GRM8: variants seen among roughly 807,000 people sequenced by gnomAD.
The protein encoded by GRM8 is glutamate metabotropic receptor 8.
A neutral mutation model predicts 87.2 loss-of-function variants in GRM8; 47 were observed. The observed-to-expected ratio is 0.54, with a 90% CI of 0.43 to 0.69. The LOEUF is 0.69. GRM8 is among the 30% of genes least tolerant of loss of function. The probability of loss-of-function intolerance (pLI) is 0.00; values close to 1 mark genes in which losing one functional copy is unlikely to be tolerated. For synonymous variants in GRM8, 396 were observed against 404.5 expected, an observed-to-expected ratio of 0.98 and a Z score of 0.25; for missense variants, 1,019 against 1,139.2, an observed-to-expected ratio of 0.89 and a Z score of 1.52.
intron 3 of GRM8, among the ~76,000 whole-genome samples, chr7:127,070,170 C>T (rs1203613648): frequency 6.6e-6 from 1 of 151,972 alleles, no homozygotes; most frequent in Admixed American, 6.5e-5. Context: ...GTAGAGACAA[C>T]CTGATATTTG....
rs148475629 is a variant in GRM8, at chr7:126,714,222, G to A, written c.1357+55643C>T. Among the ~76,000 whole-genome samples the A allele has an allele frequency of 2.8e-3, 419 of 150,450 alleles. 6 individuals are homozygous for A. Among genetic ancestry groups the A allele is most frequent in the African/African-American group, 9.7e-3 (399 of 41,126 alleles). ...GAAGCCAGGAGGCAGAGGTTGTGGT[G>A]AGCCTAGATCGTGCCACTCTACTCC... On this transcript the variant is annotated intron_variant, in intron 7 of 10. Coordinates refer to ENST00000339582, the MANE Select transcript of GRM8 (RefSeq NM_000845.3).
intron 7 of GRM8, among the ~76,000 whole-genome samples, chr7:126,686,169 T>C (rs933375128): frequency 1.4e-4 from 22 of 151,814 alleles, no homozygotes; most frequent in Non-Finnish European, 2.8e-4. Flanking sequence ...GAACACTCAC[T>C]GGGATGCCCT....
intron 3 of GRM8, among the ~76,000 whole-genome samples, chr7:126,982,195 C>T (rs973791788): frequency 3.9e-5 from 6 of 152,112 alleles, no homozygotes; most frequent in Non-Finnish European, 8.8e-5. Context: ...GCCAGTCTAA[C>T]CTTTTCATGC....
intron 2 of GRM8, among the ~76,000 whole-genome samples, chr7:127,240,108 G>C (rs1282378225): frequency 6.6e-6 from 1 of 152,132 alleles, no homozygotes; most frequent in Non-Finnish European, 1.5e-5. Context: ...ATGGCCTGGG[G>C]CATTGGACTC....
chr7:127,098,085 T>A (rs7778276), intron 3 of GRM8, among the ~76,000 whole-genome samples: 1,964 of 152,086 alleles, frequency 0.013, 37 homozygotes, highest in South Asian at 0.041. Flanking sequence ...AGTATCACTG[T>A]ACCTGCAGTT....
intron 9 of GRM8, among the ~76,000 whole-genome samples, chr7:126,479,402 T>C (rs953281635): frequency 3.6e-4 from 55 of 152,192 alleles, no homozygotes; most frequent in African/African-American, 1.3e-3. Context: ...TAGCCCTAGG[T>C]AATCACTAAC....
intron 6 of GRM8, among the ~76,000 whole-genome samples, chr7:126,836,649 A>T (rs961865406): frequency 2.6e-5 from 4 of 152,074 alleles, no homozygotes; most frequent in African/African-American, 9.7e-5. Flanking sequence ...CTCATCTTTC[A>T]GGTCTCAGAC....
intron 7 of GRM8, among the ~76,000 whole-genome samples, chr7:126,735,911 C>T (rs1814158316): frequency 6.6e-6 from 1 of 152,066 alleles, no homozygotes; most frequent in Non-Finnish European, 1.5e-5. Flanking sequence ...CATTACCCAT[C>T]TTTCTTTCCC....
chr7:126,997,037 T>C (rs1237472923), intron 3 of GRM8, among the ~76,000 whole-genome samples: 10 of 151,876 alleles, frequency 6.6e-5, no homozygotes, highest in Non-Finnish European at 1.5e-4. Flanking sequence ...TATGTCAGGC[T>C]ACAAAACAAG....
intron 3 of GRM8, among the ~76,000 whole-genome samples, chr7:127,078,914 G>A (rs184394545): frequency 1.3e-5 from 2 of 152,246 alleles, no homozygotes; most frequent in East Asian, 3.9e-4. Context: ...CAATCGGTTG[G>A]TGAGAAAGAA....
At chr7:127,054,813 G>A (rs1179868965) in intron 3 of GRM8, among the ~76,000 whole-genome samples, 2 of 152,048 alleles carry the variant, frequency 1.3e-5, no homozygotes, top group Non-Finnish European at 2.9e-5. Flanking sequence ...ATATGGTAGT[G>A]TACAGATATG....
intron 3 of GRM8, among the ~76,000 whole-genome samples, chr7:127,072,430 C>T (rs1286619029): frequency 6.6e-6 from 1 of 152,120 alleles, no homozygotes; most frequent in Non-Finnish European, 1.5e-5. Context: ...TTCAGCCTGG[C>T]CTTTAAGGTT....
intron 9 of GRM8, among the ~76,000 whole-genome samples, chr7:126,477,582 A>T (rs905177304): frequency 5.4e-5 from 2 of 37,212 alleles, no homozygotes; most frequent in African/African-American, 2.6e-4. Context: ...AAAGAAAGAG[A>T]GAAAGAAAGA....
At chr7:127,074,899 G>A (rs1186070562) in intron 3 of GRM8, among the ~76,000 whole-genome samples, 1 of 152,138 alleles carries the variant, frequency 6.6e-6, no homozygotes, top group Non-Finnish European at 1.5e-5. Flanking sequence ...TGAAAACTTT[G>A]GATTTTAAGA....
At chr7:126,593,508 C>G (rs1416236600) in intron 8 of GRM8, among the ~76,000 whole-genome samples, 1 of 151,982 alleles carries the variant, frequency 6.6e-6, no homozygotes, top group African/African-American at 2.4e-5. Context: ...AAATCACAGT[C>G]TTTTCAATAA....
intron 3 of GRM8, among the ~76,000 whole-genome samples, chr7:126,976,717 T>C (rs183068667): frequency 6.6e-6 from 1 of 152,172 alleles, no homozygotes; most frequent in Admixed American, 6.6e-5. Context: ...TTTAAATGAC[T>C]GCACATGTGG....
At chr7:126,713,026 A>G (rs537865831) in intron 7 of GRM8, among the ~76,000 whole-genome samples, 1 of 152,322 alleles carries the variant, frequency 6.6e-6, no homozygotes, top group South Asian at 2.1e-4. Flanking sequence ...ACTATTGTGG[A>G]AGGCAGTGTG....
chr7:127,082,517 G>T (rs570271126), intron 3 of GRM8, among the ~76,000 whole-genome samples: 13 of 152,058 alleles, frequency 8.5e-5, no homozygotes, highest in African/African-American at 2.9e-4. Flanking sequence ...GAAATAATTC[G>T]ACCAGTCAAT....
chr7:126,739,566 C>A (rs1224584586), intron 7 of GRM8, among the ~76,000 whole-genome samples: 1 of 152,106 alleles, frequency 6.6e-6, no homozygotes, highest in Non-Finnish European at 1.5e-5. Context: ...TTTTATATCA[C>A]TTCTTTCCAA....
Sources: allele counts gnomAD v4.1 joint callset (sites outside exome capture counted in the v4.1 genomes callset), GRCh38; gene constraint gnomAD v4.1.1; transcripts MANE v1.5; gene names NCBI Gene and HGNC (gene_info 2026-07-23, HGNC 2026-07-21).